The following GNAI2 variants were observed in gnomAD, a reference collection of about 807,000 sequenced individuals.
The protein encoded by GNAI2 is guanine nucleotide-binding protein G(i) subunit alpha-2.
In GNAI2, 4 loss-of-function variants were observed where a neutral mutation model predicts 36.8. That is an observed-to-expected ratio of 0.11 (90% CI 0.05 to 0.25). The LOEUF (loss-of-function observed/expected upper bound fraction) is 0.25, where lower values mean the gene tolerates loss of function less well. Among genes scored for constraint, GNAI2 ranks in the 10% least tolerant of loss-of-function variants. The probability of loss-of-function intolerance (pLI) is 1.00; values close to 1 mark genes in which losing one functional copy is unlikely to be tolerated. For synonymous variants in GNAI2, 194 were observed against 194.1 expected (o/e 1.00, Z 0.01); for missense variants, 230 against 481.3 (o/e 0.48, Z 4.89).
Position 50,253,054 on chromosome 3 carries a change from T to C in GNAI2, c.334T>C (p.Cys112Arg). 5.0e-6 allele frequency: 8 copies of C among 1,611,122 alleles called. No homozygotes were observed. The highest frequency in any genetic ancestry group is 6.8e-6 in the Non-Finnish European group (8 of 1,178,032). The stretch of plus-strand genomic sequence containing the variant: ...CGCCAGGCAGCTATTTGCACTGTCC[T>C]GCACCGCCGAGGAGCAAGGCGTGCT... ...DDARQLFALS[C>R]TAEEQGVLPD... The change falls in exon 4 of 9, where the codon TGC becomes CGC. Residue 112 changes from cysteine (C) to arginine (R), a missense_variant. Cys to Arg is a radical substitution (Grantham distance 180). This residue lies in a region of GNAI2 where 132 missense variants were observed against 247.4 expected (regional missense o/e 0.53). Coordinates refer to ENST00000313601, the MANE Select transcript of GNAI2 (RefSeq NM_002070.4). This position sits in a 1 kb window ranked among gnomAD's most constrained non-coding sequence, Gnocchi z 4.2.
At chr3:50,249,943 CAG>C (rs1553702211) in intron 1 of GNAI2, among the ~76,000 whole-genome samples, 2 of 152,212 alleles carry the variant, frequency 1.3e-5, no homozygotes, top group Non-Finnish European at 1.5e-5. Context: ...AGACATGGCC[CAG>C]AGTCTGCCTG....
rs1157152641 is a variant in GNAI2 at position 50,242,786 on chromosome 3, G to T, written c.118+6333G>T. 6.6e-6 allele frequency among the ~76,000 whole-genome samples: 1 copy of T among 152,216 alleles called. No individual in the cohort carries two copies. Among genetic ancestry groups the T allele is most frequent in the African/African-American group, 2.4e-5 (1 of 41,442 alleles). On this transcript the variant is annotated intron_variant, in intron 1 of 8. Transcript: ENST00000313601. The surrounding 1 kb of genome is among the most constrained non-coding windows in gnomAD (Gnocchi z 4.8). ...CACCAGTCTGAGCAAAGGCCTAAAG[G>T]TGGGGTCATCTCAGCCTTGTTGGGG...
At position 50,255,483 on chromosome 3, in the gene GNAI2, C is replaced by T. The variant is rs587699826; in HGVS notation, c.465-709C>T. ...CGAGGGACCGCACCCGGCTGCTCTG[C>T]GGCTAATGCCGTAATTGCGCCCATT... is the stretch of plus-strand genomic sequence containing the variant. On this transcript the variant is annotated intron_variant, in intron 4 of 8. Transcript: ENST00000313601. The surrounding 1 kb of genome is among the most constrained non-coding windows in gnomAD (Gnocchi z 4.0). 2.0e-5 allele frequency among the ~76,000 whole-genome samples: 3 copies of T among 152,314 alleles called. No homozygotes were observed. Among genetic ancestry groups the T allele is most frequent in the South Asian group, 2.1e-4 (1 of 4,826 alleles).
intron 5 of GNAI2, 122 bp downstream of exon 5, chr3:50,256,442 G>A: frequency 2.1e-6 from 2 of 930,480 alleles, no homozygotes; most frequent in South Asian, 1.4e-5. Flanking sequence ...TGTGTTCTGG[G>A]CAAGCACATC....
intron 1 of GNAI2, among the ~76,000 whole-genome samples, chr3:50,246,490 C>T (rs1553701793): frequency 6.6e-6 from 1 of 152,184 alleles, no homozygotes; most frequent in Non-Finnish European, 1.5e-5. Context: ...AGGTGGTGTC[C>T]GGGCTGCCTT....
rs1553703718 is a variant in GNAI2 at position 50,258,972 on chromosome 3, AG to A, written c.*630del. On this transcript the variant is annotated 3_prime_UTR_variant, in exon 9 of 9. Transcript: ENST00000313601. ...TAAAACTGTCAGATCCTGACCAGCA[AG>A]CCCCCCCCCAGCCCCCCTTCCAAGT... The A allele has an allele frequency of 4.4e-6, 2 of 449,934 alleles. No homozygotes were observed. Among genetic ancestry groups the A allele is most frequent in the East Asian group, 1.4e-4 (2 of 14,362 alleles). The allele number at this position is 449,934 out of a possible 1,614,324, so 27.9% of individuals were successfully genotyped here. A position where few individuals can be genotyped will look rare whatever the true frequency, so the allele number is the denominator to read the frequency against.
chr3:50,252,642 C>G lies in GNAI2; in HGVS notation c.303+104C>G. On this transcript the variant is annotated intron_variant, in intron 3 of 8. Transcript: ENST00000313601. This position sits in a 1 kb window ranked among gnomAD's most constrained non-coding sequence, Gnocchi z 4.1. ...ATCCCAGCACTTTGGGACGCCGAGG[C>G]GGGTGGATCACCTGAGGTCAGGACC... is the stretch of plus-strand genomic sequence containing the variant. 1.0e-6 allele frequency: 1 copy of G among 977,760 alleles called. No individual in the cohort carries two copies. The highest frequency in any genetic ancestry group is 1.5e-6 in the Non-Finnish European group (1 of 651,106). The allele number at this position is 977,760 out of a possible 1,614,324, so 60.6% of individuals were successfully genotyped here.
chr3:50,234,892 C>T (rs1295806331), upstream of GNAI2, among the ~76,000 whole-genome samples: 1 of 152,220 alleles, frequency 6.6e-6, no homozygotes, highest in Admixed American at 6.5e-5. Context: ...AAATGTTCAG[C>T]TAGAAACACT....
chr3:50,256,468 A>C (rs1166648387), intron 5 of GNAI2, 148 bp downstream of exon 5: 2 of 784,294 alleles, frequency 2.6e-6, no homozygotes, highest in East Asian at 5.1e-5. Flanking sequence ...CACCTAGTGA[A>C]CCAGCAGTCA....
In GNAI2 at chr3:50,259,162, A is replaced by T. The variant is rs1357925691; in HGVS notation, c.*819A>T. 1.5e-5 allele frequency: 5 copies of T among 329,746 alleles called. No homozygotes were observed. The highest frequency in any genetic ancestry group is 4.3e-5 in the African/African-American group (2 of 46,212). 20.4% of individuals were successfully genotyped at this position (329,746 alleles called of 1,614,324 possible). A position where few individuals can be genotyped will look rare whatever the true frequency, so the allele number is the denominator to read the frequency against. On this transcript the variant is annotated 3_prime_UTR_variant, in exon 9 of 9. Transcript: ENST00000313601. ...GCCCTGCCCCAGCGGCCCTGGCCCC[A>T]GGCTCTATTAACCTAAAATGTAGCT... is the stretch of plus-strand genomic sequence containing the variant.
At chr3:50,230,987 G>A in exon 1 of GNAI2, 1 of 983,248 alleles carries the variant, frequency 1.0e-6, no homozygotes, top group Non-Finnish European at 1.2e-6. Flanking sequence ...TGACTCAGCT[G>A]CAAAGCAAGG....
At chr3:50,228,290 G>A (rs1023787909), upstream of GNAI2, among the ~76,000 whole-genome samples, 2 of 152,192 alleles carry the variant, frequency 1.3e-5, no homozygotes, top group African/African-American at 2.4e-5. Flanking sequence ...GGTAGCTCAC[G>A]CCTGTAATCC....
chr3:50,254,130 GGCATGACAAGCCT>G (rs1553702883), intron 4 of GNAI2, among the ~76,000 whole-genome samples: 1 of 152,126 alleles, frequency 6.6e-6, no homozygotes. Context: ...GAATCCCAGA[GGCATGACAAGCCT>G]GCACCCTTTC....
chr3:50,248,245 T>A (rs57319506), intron 1 of GNAI2, among the ~76,000 whole-genome samples: 1 of 151,880 alleles, frequency 6.6e-6, no homozygotes, highest in Non-Finnish European at 1.5e-5. Context: ...AGAGCGAGAC[T>A]GTGTTTCAAA....
intron 1 of GNAI2, chr3:50,251,743 G>T (rs782116480): frequency 7.6e-7 from 1 of 1,315,688 alleles, no homozygotes; most frequent in Non-Finnish European, 9.9e-7. Context: ...CAGCTGCACA[G>T]GTTGGCGAGC....
chr3:50,256,642 C>A, intron 5 of GNAI2, 81 bp from the exon 6 acceptor site: 1 of 1,503,394 alleles, frequency 6.7e-7, no homozygotes, highest in Non-Finnish European at 9.2e-7. Flanking sequence ...GGCCTCTGTC[C>A]TCAGTCAGCC....
In GNAI2 at chr3:50,253,972, C is replaced by T. The variant is rs1700627788; in HGVS notation, c.464+788C>T. ...TCGGGGTGGTGGGGAGCTGGCTGTG[C>T]TTGAACATAGGCTGTGGAGGCTGGC... On this transcript the variant is annotated intron_variant, in intron 4 of 8. Coordinates refer to ENST00000313601, the MANE Select transcript of GNAI2 (RefSeq NM_002070.4). This position sits in a 1 kb window ranked among gnomAD's most constrained non-coding sequence, Gnocchi z 4.2. 2.0e-5 allele frequency among the ~76,000 whole-genome samples: 3 copies of T among 151,736 alleles called. No individual in the cohort carries two copies. The South Asian group carries it at 6.2e-4, about 32-fold the overall frequency.
At chr3:50,230,778 G>A (rs1213443501) in exon 1 of GNAI2, 16 of 984,050 alleles carry the variant, frequency 1.6e-5, no homozygotes, top group African/African-American at 1.2e-4. Context: ...TAGTCCAAGC[G>A]GTGCTGGGCC....
intron 1 of GNAI2, among the ~76,000 whole-genome samples, chr3:50,244,221 G>A (rs1700363781): frequency 6.6e-6 from 1 of 151,988 alleles, no homozygotes; most frequent in Admixed American, 6.5e-5. Context: ...TAGAGACGGG[G>A]TTTCACCATG....
Sources: allele counts gnomAD v4.1 joint callset (sites outside exome capture counted in the v4.1 genomes callset), GRCh38; gene constraint gnomAD v4.1.1; regional missense constraint gnomAD v4.1.1; non-coding constraint Gnocchi (gnomAD v3.1); transcripts MANE v1.5; gene names NCBI Gene and HGNC (gene_info 2026-07-23, HGNC 2026-07-21).